PLCB4: variants seen among roughly 807,000 people sequenced by gnomAD.
The protein encoded by PLCB4 is phospholipase C beta 4.
A neutral mutation model predicts 178.8 loss-of-function variants in PLCB4; 77 were observed. That is an observed-to-expected ratio of 0.43 (90% confidence interval 0.36 to 0.52). PLCB4 has a LOEUF of 0.52. Ranked by LOEUF, PLCB4 falls within the 20% of genes least tolerant of loss-of-function variation. The probability of loss-of-function intolerance (pLI) is 0.00; values close to 1 mark genes in which losing one functional copy is unlikely to be tolerated. For missense variants in PLCB4, 1,024 were observed against 1,453.4 expected (o/e 0.70, Z 4.80); for synonymous variants, 496 against 490.8 (o/e 1.01, Z -0.14).
At chr20:9,478,178 A>G (rs2044678345) in intron 39 of PLCB4, among the ~76,000 whole-genome samples, 1 of 152,144 alleles carries the variant, frequency 6.6e-6, no homozygotes, top group African/African-American at 2.4e-5. Flanking sequence ...CTCACCAGAC[A>G]CTGCCCCCAT....
At chr20:9,360,122 T>G (rs1389265113) in intron 7 of PLCB4, among the ~76,000 whole-genome samples, 3 of 152,200 alleles carry the variant, frequency 2.0e-5, no homozygotes. Context: ...CTGTCTGCCC[T>G]GCACCAGCTG....
intron 2 of PLCB4, among the ~76,000 whole-genome samples, chr20:9,155,613 G>A (rs1207757996): frequency 1.3e-5 from 2 of 152,238 alleles, no homozygotes; most frequent in Middle Eastern, 3.4e-3. Context: ...CATTGAACAC[G>A]ATGGCAGCTA....
intron 23 of PLCB4, 71 bp from the exon 24 acceptor site, chr20:9,408,985 GT>G: frequency 2.1e-6 from 3 of 1,421,200 alleles, no homozygotes; most frequent in Non-Finnish European, 2.9e-6. Context: ...GACCTTTGTT[GT>G]TTTAGCTCTT....
intron 3 of PLCB4, among the ~76,000 whole-genome samples, chr20:9,278,077 G>A (rs1023562526): frequency 4.6e-5 from 7 of 151,948 alleles, no homozygotes; most frequent in Non-Finnish European, 8.8e-5. Flanking sequence ...TTAGAGATAT[G>A]AACACAGAGA....
intron 1 of PLCB4, among the ~76,000 whole-genome samples, chr20:9,092,411 G>T (rs2090724605): frequency 6.6e-6 from 1 of 152,042 alleles, no homozygotes; most frequent in Non-Finnish European, 1.5e-5. Context: ...GAGCCTGTTG[G>T]GTGAGACATC....
intron 1 of PLCB4, among the ~76,000 whole-genome samples, chr20:9,084,565 T>C (rs185898754): frequency 6.6e-6 from 1 of 152,116 alleles, no homozygotes; most frequent in Non-Finnish European, 1.5e-5. Context: ...TGCATTGTAG[T>C]GTTTTGCTTA....
intron 2 of PLCB4, among the ~76,000 whole-genome samples, chr20:9,175,056 C>T (rs2093131424): frequency 6.6e-6 from 1 of 152,092 alleles, no homozygotes; most frequent in Admixed American, 6.5e-5. Flanking sequence ...TATAGTAGGA[C>T]ATAGGTCCAG....
At chr20:9,396,875 C>G (rs1015845188) in intron 19 of PLCB4, among the ~76,000 whole-genome samples, 8 of 152,172 alleles carry the variant, frequency 5.3e-5, no homozygotes, top group African/African-American at 1.7e-4. Context: ...ATTATCTAAA[C>G]CTGCATCATA....
intron 3 of PLCB4, among the ~76,000 whole-genome samples, chr20:9,224,204 A>C (rs2093835258): frequency 1.3e-5 from 2 of 152,100 alleles, no homozygotes; most frequent in South Asian, 4.1e-4. Flanking sequence ...GACCCTCTCC[A>C]TTGCCACTCC....
At chr20:9,258,869 A>G (rs967509475) in intron 3 of PLCB4, among the ~76,000 whole-genome samples, 2 of 152,090 alleles carry the variant, frequency 1.3e-5, no homozygotes, top group Non-Finnish European at 2.9e-5. Context: ...ATTTTCAGAC[A>G]AGTAAGATCT....
chr20:9,425,563 A>G (rs949344800), intron 28 of PLCB4, among the ~76,000 whole-genome samples: 1 of 152,258 alleles, frequency 6.6e-6, no homozygotes, highest in African/African-American at 2.4e-5. Context: ...TGCTGCAGAA[A>G]CATCTGTATT....
intron 3 of PLCB4, among the ~76,000 whole-genome samples, chr20:9,260,870 T>C (rs1378682357): frequency 1.3e-5 from 2 of 152,166 alleles, no homozygotes; most frequent in Non-Finnish European, 1.5e-5. Context: ...CCCCGGAGAC[T>C]ATCTTAGAAC....
chr20:9,092,100 T>C lies in PLCB4; in HGVS notation c.-134-4187T>C, dbSNP rs1252483421. 2.0e-5 allele frequency among the ~76,000 whole-genome samples: 3 copies of C among 152,148 alleles called. 1 individual carries two copies. Among genetic ancestry groups the C allele is most frequent in the Non-Finnish European group, 4.4e-5 (3 of 68,012 alleles). On this transcript the variant is annotated intron_variant, in intron 1 of 39. Transcript: ENST00000378473. ...CCCTCGAGAGGTATTTTCATGTTCT[T>C]GTTTTCTGTTTTTTAGTGATGTTCC...
intron 7 of PLCB4, among the ~76,000 whole-genome samples, chr20:9,350,135 C>T (rs977452141): frequency 4.0e-5 from 6 of 151,146 alleles, no homozygotes; most frequent in Admixed American, 6.6e-5. Context: ...ATTTTTGAAG[C>T]GATGTTTAAA....
In PLCB4 at chr20:9,213,650, T is replaced by C. The variant is rs553856106; in HGVS notation, c.-78-3740T>C. On this transcript the variant is annotated intron_variant, in intron 2 of 39. Transcript: ENST00000378473. ...TACATGTAATTTTTATATGGATATA[T>C]GTTTTCATTTTTTCTTGGGTTCATA... 3.2e-4 allele frequency among the ~76,000 whole-genome samples: 49 copies of C among 152,362 alleles called. 1 individual carries two copies. Among genetic ancestry groups the C allele is most frequent in the African/African-American group, 1.1e-3 (47 of 41,598 alleles).
intron 3 of PLCB4, among the ~76,000 whole-genome samples, chr20:9,239,049 A>G (rs758054688): frequency 2.0e-5 from 3 of 152,220 alleles, no homozygotes; most frequent in Non-Finnish European, 2.9e-5. Flanking sequence ...ATAAAGATTT[A>G]TATAAACTAC....
chr20:9,187,141 G>A (rs955312730), intron 2 of PLCB4, among the ~76,000 whole-genome samples: 7 of 151,534 alleles, frequency 4.6e-5, no homozygotes, highest in Admixed American at 3.9e-4. Context: ...GATAATTTTT[G>A]TATTTTTTTT....
chr20:9,226,285 T>C (rs1365665852), intron 3 of PLCB4, among the ~76,000 whole-genome samples: 1 of 152,206 alleles, frequency 6.6e-6, no homozygotes, highest in African/African-American at 2.4e-5. Context: ...ACTCCTCATG[T>C]AATAATAAAG....
At chr20:9,440,875 T>C (rs1265908573) in intron 30 of PLCB4, among the ~76,000 whole-genome samples, 1 of 152,042 alleles carries the variant, frequency 6.6e-6, no homozygotes, top group Non-Finnish European at 1.5e-5. Context: ...GCTTGCTTGG[T>C]AGGTGTGAGG....
Sources: gnomAD v4.1 joint callset for allele counts (sites outside exome capture counted in the v4.1 genomes callset) on GRCh38, gnomAD v4.1.1 for gene constraint, MANE v1.5 for transcripts, NCBI Gene and HGNC (gene_info 2026-07-23, HGNC 2026-07-21) for gene names.